HGD: variants seen among roughly 807,000 people sequenced by gnomAD.
HGD encodes the protein homogentisate 1,2-dioxygenase, also known as homogentisate oxidase.
HGD carries 61 observed loss-of-function variants against 60.8 expected under a neutral mutation model. That is an observed-to-expected ratio of 1.00 (90% CI 0.82 to 1.24). HGD has a LOEUF of 1.24. Ranked by LOEUF, HGD falls within the 50% of genes most tolerant of loss-of-function variation. The pLI is 0.00. For synonymous variants in HGD, 212 were observed against 187.7 expected (o/e 1.13, Z -1.06); for missense variants, 542 against 547.1 (o/e 0.99, Z 0.09).
Position 120,641,595 on chromosome 3 carries a change from G to T in HGD, c.873C>A (p.Asp291Glu), listed in dbSNP as rs754428438. ...NFMVINSVAF[D>E]HADPSIFTVL... ...CTACAGGGTTCAGACTTACTGCATG[G>T]TCAAAGGCCACTGAGTTGATAACCA... is the stretch of plus-strand genomic sequence containing the variant. The change falls in exon 11 of 14, where the codon GAC (aspartate) becomes GAA (glutamate). Residue 291 changes from aspartate to glutamate, a missense_variant. Transcript: ENST00000283871. 5 of 1,611,420 alleles carry T rather than the reference G, an allele frequency of 3.1e-6. No homozygotes were observed. Among genetic ancestry groups the T allele is most frequent in the Admixed American group, 3.3e-5 (2 of 60,018 alleles).
intron 4 of HGD, among the ~76,000 whole-genome samples, chr3:120,664,567 A>C (rs1707856610): frequency 6.6e-6 from 1 of 151,372 alleles, no homozygotes; most frequent in African/African-American, 2.4e-5. Context: ...GCCTGGGACT[A>C]CCGGTGCTTG....
chr3:120,645,143 C>T (rs781070777), intron 9 of HGD, among the ~76,000 whole-genome samples: 6 of 152,128 alleles, frequency 3.9e-5, no homozygotes, highest in Non-Finnish European at 5.9e-5. Flanking sequence ...AATAAGTCCC[C>T]GGCTGGTTAG....
chr3:120,634,399 T>C (rs1426574904), intron 12 of HGD, among the ~76,000 whole-genome samples: 1 of 152,182 alleles, frequency 6.6e-6, no homozygotes, highest in Non-Finnish European at 1.5e-5. Context: ...ATATAACACC[T>C]GGGCAAATTT....
chr3:120,641,458 C>G, intron 11 of HGD, 131 bp downstream of exon 11: 1 of 732,714 alleles, frequency 1.4e-6, no homozygotes, highest in Admixed American at 2.0e-5. Context: ...CACCAAAGGA[C>G]AAATGACTAT....
chr3:120,630,798 T>TTACATATATATA (rs1940560170), intron 13 of HGD, among the ~76,000 whole-genome samples: 1 of 88,028 alleles, frequency 1.1e-5, no homozygotes, highest in Admixed American at 1.1e-4. Context: ...CTTAAGAGCT[T>TTACATATATATA]TATATATATA....
intron 4 of HGD, among the ~76,000 whole-genome samples, chr3:120,662,412 A>G (rs1376258099): frequency 6.6e-6 from 1 of 151,990 alleles, no homozygotes; most frequent in African/African-American, 2.4e-5. Flanking sequence ...CTGAAAGCAC[A>G]CTCTACAGCA....
At chr3:120,634,692 C>A (rs538322506) in intron 12 of HGD, among the ~76,000 whole-genome samples, 1 of 152,174 alleles carries the variant, frequency 6.6e-6, no homozygotes, top group African/African-American at 2.4e-5. Flanking sequence ...GCAGTGGCAA[C>A]CGTTACAAAA....
chr3:120,648,125 G>A (rs1941221652), intron 6 of HGD, among the ~76,000 whole-genome samples: 1 of 152,174 alleles, frequency 6.6e-6, no homozygotes, highest in African/African-American at 2.4e-5. Flanking sequence ...TATCTTTGCA[G>A]ACTGTAATGA....
intron 4 of HGD, among the ~76,000 whole-genome samples, chr3:120,657,004 G>C (rs576226310): frequency 3.3e-5 from 5 of 152,154 alleles, no homozygotes; most frequent in African/African-American, 1.2e-4. Context: ...TTCCAATCCT[G>C]CTCCTTCTGT....
At chr3:120,673,095 A>C (rs1708056862) in intron 3 of HGD, among the ~76,000 whole-genome samples, 1 of 152,104 alleles carries the variant, frequency 6.6e-6, no homozygotes, top group Non-Finnish European at 1.5e-5. Context: ...CCATTTTCCC[A>C]CTGGAGATTT....
intron 4 of HGD, among the ~76,000 whole-genome samples, chr3:120,656,285 T>C (rs375738241): frequency 2.0e-5 from 3 of 152,234 alleles, no homozygotes; most frequent in African/African-American, 7.2e-5. Flanking sequence ...CAGTCTGTGG[T>C]ATTTTGTTAT....
intron 4 of HGD, among the ~76,000 whole-genome samples, chr3:120,659,333 G>T (rs1941591895): frequency 6.6e-6 from 1 of 152,206 alleles, no homozygotes; most frequent in Admixed American, 6.5e-5. Flanking sequence ...GAAGCAGCCT[G>T]GTCACATGTT....
chr3:120,657,827 GAGAGAGAGAGAA>G (rs1454368401), intron 4 of HGD, among the ~76,000 whole-genome samples: 2 of 149,324 alleles, frequency 1.3e-5, no homozygotes, highest in Non-Finnish European at 3.0e-5. Context: ...GTGAGAGAGA[GAGAGAGAGAGAA>G]AGAGAGAGAG....
At chr3:120,632,248 T>C (rs967327194) in intron 13 of HGD, among the ~76,000 whole-genome samples, 1 of 152,182 alleles carries the variant, frequency 6.6e-6, no homozygotes, top group Admixed American at 6.5e-5. Context: ...GTTTAGGTAG[T>C]TTGCAAGCAT....
intron 4 of HGD, among the ~76,000 whole-genome samples, chr3:120,665,235 A>C (rs1222699433): frequency 6.6e-6 from 1 of 152,218 alleles, no homozygotes; most frequent in African/African-American, 2.4e-5. Flanking sequence ...AAGGCATTTT[A>C]TGATATGTTC....
At position 120,638,496 on chromosome 3, in the gene HGD, C is replaced by T. The variant is rs1394952211; in HGVS notation, c.965G>A (p.Trp322Ter). Residue 322 changes from tryptophan to a stop codon, truncating the protein, a stop_gained, in exon 12 of 14, where the codon TGG (tryptophan) becomes TAG (stop). Coordinates refer to ENST00000283871, the MANE Select transcript of HGD (RefSeq NM_000187.4). LOFTEE classifies it high-confidence loss of function. ...CCTGAAGGTCTTATCAGCAACCCCCCATCGAGGTGGGAAGATGACAAAATC... is the reference window on the plus strand; with the variant it reads ...CCTGAAGGTCTTATCAGCAACCCCCTATCGAGGTGGGAAGATGACAAAATC... ...IADFVIFPPRWGVADKTFRPP... is the reference protein window; with the variant it reads ...IADFVIFPPR 6.2e-6 allele frequency: 10 copies of T among 1,613,958 alleles called. No individual in the cohort carries two copies. Among genetic ancestry groups the T allele is most frequent in the Non-Finnish European group, 8.5e-6 (10 of 1,179,950 alleles).
chr3:120,629,036 C>T (rs1559779797), intron 13 of HGD, among the ~76,000 whole-genome samples: 1 of 152,106 alleles, frequency 6.6e-6, no homozygotes, highest in South Asian at 2.1e-4. Flanking sequence ...AGGACTCTGA[C>T]CAAGAGATGG....
chr3:120,635,271 A>T (rs544798956), intron 12 of HGD, among the ~76,000 whole-genome samples: 1 of 151,994 alleles, frequency 6.6e-6, no homozygotes, highest in Non-Finnish European at 1.5e-5. Flanking sequence ...AGGTCAAGAG[A>T]TCGAGACCAT....
intron 12 of HGD, 104 bp downstream of exon 12, chr3:120,638,351 G>C: frequency 1.5e-6 from 2 of 1,373,380 alleles, no homozygotes; most frequent in Non-Finnish European, 2.1e-6. Context: ...TTCATGCCAT[G>C]GTGGGTGTCC....
Sources: allele counts gnomAD v4.1 joint callset (sites outside exome capture counted in the v4.1 genomes callset), GRCh38; gene constraint gnomAD v4.1.1; transcripts MANE v1.5; gene names NCBI Gene and HGNC (gene_info 2026-07-23, HGNC 2026-07-21).